The following HNF1B variants were observed in gnomAD, a reference collection of about 807,000 sequenced individuals.
The protein encoded by HNF1B is hepatocyte nuclear factor 1-beta.
HNF1B carries 8 observed loss-of-function variants against 61.7 expected under a neutral mutation model. That is an observed-to-expected ratio of 0.13 (90% CI 0.08 to 0.23). HNF1B has a LOEUF of 0.23. Among genes scored for constraint, HNF1B ranks in the 10% least tolerant of loss-of-function variants. The pLI, the probability that HNF1B is intolerant of heterozygous loss-of-function variation, is 1.00. For missense variants in HNF1B, 562 were observed against 714.5 expected, an observed-to-expected ratio of 0.79 and a Z score of 2.43; for synonymous variants, 314 against 287.7, an observed-to-expected ratio of 1.09 and a Z score of -0.93.
chr17:37,719,524 C>T (rs974099192), intron 4 of HNF1B, among the ~76,000 whole-genome samples: 1 of 152,228 alleles, frequency 6.6e-6, no homozygotes, highest in Admixed American at 6.5e-5. Flanking sequence ...ATCGTTAGGC[C>T]TAAAGGCTGT....
At chr17:37,739,961 A>G (rs10908278) in intron 1 of HNF1B, among the ~76,000 whole-genome samples, 1 of 151,454 alleles carries the variant, frequency 6.6e-6, no homozygotes, top group African/African-American at 2.4e-5. Flanking sequence ...TTAATTAATT[A>G]ATTTATTTAT....
At chr17:37,704,818 G>A (rs945484764) in intron 6 of HNF1B, 99 bp downstream of exon 6, 3 of 1,307,778 alleles carry the variant, frequency 2.3e-6, no homozygotes, top group East Asian at 4.6e-5. Flanking sequence ...AGTCGTGGGT[G>A]AGTTTGAAGG....
chr17:37,706,542 AC>A (rs1490094968), intron 5 of HNF1B, among the ~76,000 whole-genome samples: 1 of 152,060 alleles, frequency 6.6e-6, no homozygotes, highest in Non-Finnish European at 1.5e-5. Context: ...CAAAAACCAA[AC>A]AGGTTTGTTT....
intron 1 of HNF1B, among the ~76,000 whole-genome samples, chr17:37,742,686 G>A (rs2034030948): frequency 1.3e-5 from 2 of 151,992 alleles, no homozygotes; most frequent in South Asian, 4.1e-4. Flanking sequence ...TGGGGCCTGG[G>A]GCTTTGGGGA....
At chr17:37,697,192 A>G (rs1810246444) in intron 8 of HNF1B, among the ~76,000 whole-genome samples, 1 of 152,236 alleles carries the variant, frequency 6.6e-6, no homozygotes, top group South Asian at 2.1e-4. Flanking sequence ...GTTGCAGTAA[A>G]AAGAAAACAA....
chr17:37,711,614 CA>C (rs1188348531), intron 4 of HNF1B, among the ~76,000 whole-genome samples: 1 of 152,204 alleles, frequency 6.6e-6, no homozygotes, highest in Non-Finnish European at 1.5e-5. Flanking sequence ...TTGATGTGCC[CA>C]TGAAACAGTC....
At chr17:37,734,982 G>A (rs921583656) in intron 2 of HNF1B, among the ~76,000 whole-genome samples, 1 of 151,872 alleles carries the variant, frequency 6.6e-6, no homozygotes, top group African/African-American at 2.4e-5. Context: ...TAGAGATGGG[G>A]TTTCATCATG....
chr17:37,744,071 G>A (rs1450804323), intron 1 of HNF1B, among the ~76,000 whole-genome samples: 4 of 152,256 alleles, frequency 2.6e-5, no homozygotes, highest in African/African-American at 4.8e-5. Context: ...AAGAACTGCA[G>A]GTCATCATGC....
chr17:37,701,041 G>T lies in HNF1B; in HGVS notation c.1476C>A (p.Gly492=). 1 of 1,556,070 alleles carries T rather than the reference G, an allele frequency of 6.4e-7. No individual in the cohort carries two copies. The highest frequency in any genetic ancestry group is 8.7e-7 in the Non-Finnish European group (1 of 1,149,412). ...TGAAGGGCTGCTGGGCCATGTGGCTGCCTGGGCTCTGCTGCATGAGGGGCT... is the reference window on the plus strand; with the variant it reads ...TGAAGGGCTGCTGGGCCATGTGGCTTCCTGGGCTCTGCTGCATGAGGGGCT... ...HQQPLMQQSP[G]SHMAQQPFMA... The change falls in exon 7 of 9, where the codon GGC becomes GGA. Residue 492 remains glycine, a synonymous_variant. Coordinates refer to ENST00000617811, the MANE Select transcript of HNF1B (RefSeq NM_000458.4).
chr17:37,717,302 C>T (rs955429397), intron 4 of HNF1B, among the ~76,000 whole-genome samples: 1 of 152,148 alleles, frequency 6.6e-6, no homozygotes, highest in African/African-American at 2.4e-5. Context: ...CCTCTGCCAG[C>T]GTAAGTGAGC....
At chr17:37,688,046 G>A (rs926283976) in intron 8 of HNF1B, among the ~76,000 whole-genome samples, 2 of 152,096 alleles carry the variant, frequency 1.3e-5, no homozygotes, top group African/African-American at 4.8e-5. Context: ...TGCTTTCTAC[G>A]GGTTTCTTAC....
At chr17:37,723,475 C>G (rs2033392185) in intron 4 of HNF1B, among the ~76,000 whole-genome samples, 1 of 152,198 alleles carries the variant, frequency 6.6e-6, no homozygotes, top group Admixed American at 6.5e-5. Flanking sequence ...TCCCCTCTGC[C>G]CCCACCAATC....
Position 37,704,963 on chromosome 17 carries a change from T to C in HNF1B, c.1293A>G (p.Gln431=), listed in dbSNP as rs772829938. ...CAGAGAGGGGTGTCATGATGAGGTT[T>C]TGAGATTGCTGGGGATTATGGTGGG... ...SLSHHNPQQS[Q]NLIMTPLSGV... is the part of the protein sequence containing the mutation. The change falls in exon 6 of 9, where the codon CAA becomes CAG. Residue 431 remains glutamine, a synonymous_variant. Coordinates refer to ENST00000617811, the MANE Select transcript of HNF1B (RefSeq NM_000458.4). 8 of 1,614,074 alleles carry C rather than the reference T, an allele frequency of 5.0e-6. No individual in the cohort carries two copies. The highest frequency in any genetic ancestry group is 6.8e-6 in the Non-Finnish European group (8 of 1,180,000).
At chr17:37,710,068 T>C (rs2032879679) in intron 5 of HNF1B, among the ~76,000 whole-genome samples, 1 of 152,204 alleles carries the variant, frequency 6.6e-6, no homozygotes, top group African/African-American at 2.4e-5. Context: ...TGCTAATGAC[T>C]CTTCTTGTCA....
chr17:37,690,780 G>A (rs2032174086), intron 8 of HNF1B, among the ~76,000 whole-genome samples: 2 of 152,222 alleles, frequency 1.3e-5, no homozygotes, highest in East Asian at 3.8e-4. Context: ...TAGGCACGTT[G>A]AATTCAAGAG....
At chr17:37,709,737 G>A (rs1280623434) in intron 5 of HNF1B, among the ~76,000 whole-genome samples, 1 of 152,144 alleles carries the variant, frequency 6.6e-6, no homozygotes, top group East Asian at 1.9e-4. Context: ...ATTTTCTATG[G>A]CAAACACTGC....
intron 8 of HNF1B, among the ~76,000 whole-genome samples, chr17:37,689,735 T>A (rs987315454): frequency 6.6e-6 from 1 of 152,216 alleles, no homozygotes; most frequent in African/African-American, 2.4e-5. Flanking sequence ...ATTTGTTACA[T>A]AATGGTAAGA....
At chr17:37,737,759 C>T (rs1271344267) in intron 2 of HNF1B, among the ~76,000 whole-genome samples, 4 of 151,950 alleles carry the variant, frequency 2.6e-5, no homozygotes, top group South Asian at 2.1e-4. Context: ...GGCGTGAACC[C>T]GGGAGGCGGA....
At chr17:37,723,253 C>T (rs534210862) in intron 4 of HNF1B, among the ~76,000 whole-genome samples, 1 of 151,104 alleles carries the variant, frequency 6.6e-6, no homozygotes. Context: ...AGGCTGAGGC[C>T]GGAGAATGGC....
Sources: allele counts gnomAD v4.1 joint callset (sites outside exome capture counted in the v4.1 genomes callset), GRCh38; gene constraint gnomAD v4.1.1; transcripts MANE v1.5; gene names NCBI Gene and HGNC (gene_info 2026-07-23, HGNC 2026-07-21).